Variants in GFRA1 observed in about 807,000 individuals in gnomAD.
GFRA1 encodes GDNF family receptor alpha 1.
Under a neutral mutation model 51.6 loss-of-function variants are expected in GFRA1, and 16 were observed. That is an observed-to-expected ratio of 0.31 (90% CI 0.21 to 0.47). The LOEUF is 0.47. Ranked by LOEUF, GFRA1 falls within the 20% of genes least tolerant of loss-of-function variation. The pLI is 1.00. For missense variants in GFRA1, 530 were observed against 594.3 expected, an observed-to-expected ratio of 0.89 and a Z score of 1.13; for synonymous variants, 270 against 241.3, an observed-to-expected ratio of 1.12 and a Z score of -1.10.
intron 5 of GFRA1, among the ~76,000 whole-genome samples, chr10:116,165,795 T>G (rs559228605): frequency 6.6e-6 from 1 of 152,326 alleles, no homozygotes; most frequent in East Asian, 1.9e-4. Flanking sequence ...ATTTTTATTT[T>G]ATTCTATTTT....
rs749738072 is a variant in GFRA1 at position 116,120,308 on chromosome 10, A to G, written c.770+4913T>C. On this transcript the variant is annotated intron_variant, in intron 6 of 10. Transcript: ENST00000355422. ...TGTTGGCAAAGAGGAATGCAAATGTAACATTCAATTTCCAACTCTTGGGAG... is the reference window on the plus strand; with the variant it reads ...TGTTGGCAAAGAGGAATGCAAATGTGACATTCAATTTCCAACTCTTGGGAG... 1.5e-3 allele frequency among the ~76,000 whole-genome samples: 228 copies of G among 152,340 alleles called. 1 individual carries two copies. The highest frequency in any genetic ancestry group is 1.7e-3 in the Non-Finnish European group (117 of 68,014).
rs185518593 is a variant in GFRA1, at chr10:116,162,577, G to A, written c.434-37020C>T. 6.8e-3 allele frequency among the ~76,000 whole-genome samples: 1,029 copies of A among 152,320 alleles called. 5 individuals are homozygous for A. Among genetic ancestry groups the A allele is most frequent in the Non-Finnish European group, 0.011 (776 of 68,018 alleles). Reference sequence around the variant, plus strand: ...CTGGAGCATGTGAGTGCACAGGGACGCGTGTGCACATACACATGCACTTGG... The same window carrying A: ...CTGGAGCATGTGAGTGCACAGGGACACGTGTGCACATACACATGCACTTGG... On this transcript the variant is annotated intron_variant, in intron 5 of 10. Transcript: ENST00000355422.
At chr10:116,203,120 G>T (rs75085514) in intron 5 of GFRA1, among the ~76,000 whole-genome samples, 1 of 152,100 alleles carries the variant, frequency 6.6e-6, no homozygotes, top group Non-Finnish European at 1.5e-5. Context: ...AAAGCCACTC[G>T]TCAATGAGTG....
At chr10:116,165,687 A>ACACT (rs1278796028) in intron 5 of GFRA1, among the ~76,000 whole-genome samples, 1 of 150,558 alleles carries the variant, frequency 6.6e-6, no homozygotes, top group Non-Finnish European at 1.5e-5. Flanking sequence ...ACACACACAC[A>ACACT]CTCACAAGAG....
chr10:116,119,090 T>C (rs2530347), intron 6 of GFRA1, among the ~76,000 whole-genome samples: 130,426 of 152,156 alleles, frequency 0.86, 57,987 homozygotes, highest in East Asian at 0.98. Flanking sequence ...AGAGCTCTGC[T>C]GCTGCTGAGT....
chr10:116,064,243 G>A lies in GFRA1; in HGVS notation c.*155C>T. The stretch of plus-strand genomic sequence containing the variant: ...CAGAAGCCCCAAAGGATCACAAGAA[G>A]CTTTCTTAAAAGGAAAAAAAAAAAA... On this transcript the variant is annotated 3_prime_UTR_variant, in exon 11 of 11. Coordinates refer to ENST00000355422, the MANE Select transcript of GFRA1 (RefSeq NM_005264.8). 1 of 664,772 alleles carries A rather than the reference G, an allele frequency of 1.5e-6. No homozygotes were observed. The highest frequency in any genetic ancestry group is 1.9e-5 in the South Asian group (1 of 53,158). The allele number at this position is 664,772 out of a possible 1,614,324, so 41.2% of individuals were successfully genotyped here. A position where few individuals can be genotyped will look rare whatever the true frequency, so the allele number is the denominator to read the frequency against.
At chr10:116,195,628 G>T (rs2577375) in intron 5 of GFRA1, among the ~76,000 whole-genome samples, 3 of 152,188 alleles carry the variant, frequency 2.0e-5, no homozygotes, top group African/African-American at 7.2e-5. Flanking sequence ...CTCCTGCTGC[G>T]CAGCCTGGTT....
intron 9 of GFRA1, 48 bp downstream of exon 9, chr10:116,089,693 C>T (rs756855921): frequency 6.6e-7 from 1 of 1,509,080 alleles, no homozygotes. Context: ...TGTTTCACCC[C>T]CCCACCAGGA....
intron 4 of GFRA1, among the ~76,000 whole-genome samples, chr10:116,242,276 G>A (rs1485592252): frequency 6.6e-6 from 1 of 152,190 alleles, no homozygotes; most frequent in Non-Finnish European, 1.5e-5. Context: ...ATGTAACTCA[G>A]CAGAGACTGG....
At chr10:116,094,969 T>C (rs1435369472) in intron 7 of GFRA1, among the ~76,000 whole-genome samples, 5 of 152,062 alleles carry the variant, frequency 3.3e-5, no homozygotes, top group Non-Finnish European at 5.9e-5. Context: ...CAGAAAGAAG[T>C]TGGGGAGGAG....
rs766473968 is a variant in GFRA1 at position 116,272,060 on chromosome 10, C to A, written c.-31G>T. 1.1e-5 allele frequency: 17 copies of A among 1,542,428 alleles called. 1 individual carries two copies. In the South Asian group the frequency reaches 1.5e-4, roughly 14 times the overall value. ...CGGCGCGGGGCTGGTCCCCGCCCCCCCAAAAAAATCCCGAGCCGCCGCTGG... is the reference window on the plus strand; with the variant it reads ...CGGCGCGGGGCTGGTCCCCGCCCCCACAAAAAAATCCCGAGCCGCCGCTGG... On this transcript the variant is annotated 5_prime_UTR_variant, in exon 2 of 11. Coordinates refer to ENST00000355422, the MANE Select transcript of GFRA1 (RefSeq NM_005264.8). This position sits in a 1 kb window ranked among gnomAD's most constrained non-coding sequence, Gnocchi z 4.4.
chr10:116,093,595 A>G (rs1360986691), intron 8 of GFRA1, 107 bp downstream of exon 8: 1 of 958,138 alleles, frequency 1.0e-6, no homozygotes, highest in Non-Finnish European at 1.7e-6. Flanking sequence ...TACAAGAGGT[A>G]CAGGCACAAG....
intron 4 of GFRA1, among the ~76,000 whole-genome samples, chr10:116,247,938 T>C (rs1269336162): frequency 6.6e-6 from 1 of 152,192 alleles, no homozygotes; most frequent in South Asian, 2.1e-4. Flanking sequence ...TATGCCATGA[T>C]ACTTTAAGGA....
intron 4 of GFRA1, among the ~76,000 whole-genome samples, chr10:116,254,403 G>A (rs1421469368): frequency 6.6e-6 from 1 of 151,244 alleles, no homozygotes; most frequent in Non-Finnish European, 1.5e-5. Flanking sequence ...TAGACATGGT[G>A]GCTTATGCCT....
At chr10:116,216,354 C>T (rs896026727) in intron 4 of GFRA1, among the ~76,000 whole-genome samples, 8 of 152,126 alleles carry the variant, frequency 5.3e-5, no homozygotes, top group African/African-American at 1.7e-4. Context: ...GTTGGCTCTG[C>T]TTTATTTATC....
At chr10:116,267,192 C>G (rs1383734105) in intron 4 of GFRA1, among the ~76,000 whole-genome samples, 1 of 152,028 alleles carries the variant, frequency 6.6e-6, no homozygotes, top group African/African-American at 2.4e-5. Flanking sequence ...CGGGCAGGCA[C>G]GGTGGCTCAC....
intron 4 of GFRA1, among the ~76,000 whole-genome samples, chr10:116,234,069 A>T (rs1050859559): frequency 6.6e-6 from 1 of 152,174 alleles, no homozygotes; most frequent in Non-Finnish European, 1.5e-5. Flanking sequence ...GCTGAACTGT[A>T]CTTATGTTTA....
chr10:116,179,913 G>A (rs1024013682), intron 5 of GFRA1, among the ~76,000 whole-genome samples: 8 of 152,110 alleles, frequency 5.3e-5, no homozygotes, highest in Non-Finnish European at 1.0e-4. Flanking sequence ...GCCCAGAGAG[G>A]TTGGTCCTGC....
At chr10:116,243,676 G>A (rs1337169552) in intron 4 of GFRA1, among the ~76,000 whole-genome samples, 1 of 151,918 alleles carries the variant, frequency 6.6e-6, no homozygotes, top group Non-Finnish European at 1.5e-5. Flanking sequence ...TATATATCTG[G>A]GAGTGGGGTC....
Sources: gnomAD v4.1 joint callset for allele counts (sites outside exome capture counted in the v4.1 genomes callset) on GRCh38, gnomAD v4.1.1 for gene constraint, Gnocchi (gnomAD v3.1) non-coding constraint, MANE v1.5 for transcripts, NCBI Gene and HGNC (gene_info 2026-07-23, HGNC 2026-07-21) for gene names.